Variants in SGCD observed in about 807,000 individuals in gnomAD.
SGCD encodes the protein delta-sarcoglycan.
A neutral mutation model predicts 36.6 loss-of-function variants in SGCD; 18 were observed. The ratio of observed to expected loss-of-function variants is 0.49; its 90% CI spans 0.34 to 0.73. The LOEUF (loss-of-function observed/expected upper bound fraction) is 0.73, where lower values mean the gene tolerates loss of function less well. Ranked by LOEUF, SGCD falls within the 30% of genes least tolerant of loss-of-function variation. The pLI is 0.01. For missense variants in SGCD, 387 were observed against 346.7 expected (o/e 1.12, Z -0.92); for synonymous variants, 133 against 130.6 (o/e 1.02, Z -0.12).
intron 3 of SGCD, among the ~76,000 whole-genome samples, chr5:156,291,615 T>C: frequency 6.6e-6 from 1 of 152,134 alleles, no homozygotes; most frequent in Non-Finnish European, 1.5e-5. Context: ...ACGTAATATT[T>C]ACTATCTTAA....
At chr5:156,365,226 C>T (rs1223899208) in intron 3 of SGCD, among the ~76,000 whole-genome samples, 1 of 152,202 alleles carries the variant, frequency 6.6e-6, no homozygotes, top group Non-Finnish European at 1.5e-5. Context: ...TTCACACTCA[C>T]ATCCTCACAC....
At chr5:155,963,458 G>C (rs141824483) in intron 1 of SGCD, among the ~76,000 whole-genome samples, 21 of 152,128 alleles carry the variant, frequency 1.4e-4, no homozygotes, top group Non-Finnish European at 2.8e-4. Context: ...TTCATATTTT[G>C]TTTGAGAGTT....
chr5:156,162,499 A>G (rs1296844787), intron 3 of SGCD, among the ~76,000 whole-genome samples: 2 of 151,612 alleles, frequency 1.3e-5, no homozygotes, highest in Non-Finnish European at 2.9e-5. Context: ...GGAACCAGGT[A>G]GGGCTGAATA....
chr5:155,838,775 C>CA, the SGCD span, among the ~76,000 whole-genome samples: 5,623 of 118,162 alleles, frequency 0.048, 280 homozygotes, highest in Admixed American at 0.15. Context: ...AAGAGATTTG[C>CA]AAAAAAAAAA....
At chr5:156,253,315 C>T (rs935147240) in intron 3 of SGCD, among the ~76,000 whole-genome samples, 4 of 152,260 alleles carry the variant, frequency 2.6e-5, no homozygotes, top group South Asian at 2.1e-4. Flanking sequence ...CATGTGAGAC[C>T]TCTGCTCAGC....
chr5:156,675,991 C>T (rs892061138), intron 7 of SGCD, among the ~76,000 whole-genome samples: 1 of 152,144 alleles, frequency 6.6e-6, no homozygotes, highest in Non-Finnish European at 1.5e-5. Context: ...CTGTTGCCAG[C>T]TGCTGCCAGG....
At chr5:155,920,469 C>G (rs1756852643) in intron 1 of SGCD, among the ~76,000 whole-genome samples, 1 of 152,026 alleles carries the variant, frequency 6.6e-6, no homozygotes, top group African/African-American at 2.4e-5. Context: ...GATGGAGACA[C>G]ACTGAGCTGG....
chr5:156,752,155 G>A (rs1187566061), intron 7 of SGCD, among the ~76,000 whole-genome samples: 1 of 152,134 alleles, frequency 6.6e-6, no homozygotes, highest in East Asian at 1.9e-4. Context: ...GAAAACAAAA[G>A]TCATTAAAGA....
intron 7 of SGCD, among the ~76,000 whole-genome samples, chr5:156,673,824 T>TGAGGAATAGA (rs1753401826): frequency 1.3e-5 from 2 of 152,212 alleles, no homozygotes; most frequent in Admixed American, 6.5e-5. Context: ...CAGATGACAT[T>TGAGGAATAGA]CTTCAGATAG....
chr5:156,471,449 G>A (rs1263010904), intron 3 of SGCD, among the ~76,000 whole-genome samples: 1 of 151,998 alleles, frequency 6.6e-6, no homozygotes, highest in African/African-American at 2.4e-5. Flanking sequence ...CTAATAAATT[G>A]AATAATAGGA....
At chr5:156,004,215 A>G (rs1036614106) in intron 1 of SGCD, among the ~76,000 whole-genome samples, 1 of 152,194 alleles carries the variant, frequency 6.6e-6, no homozygotes, top group African/African-American at 2.4e-5. Context: ...TTAAAAATAT[A>G]CAAATATGTA....
intron 7 of SGCD, among the ~76,000 whole-genome samples, chr5:156,735,983 C>G (rs377064260): frequency 1.3e-5 from 2 of 152,268 alleles, no homozygotes; most frequent in Admixed American, 1.3e-4. Context: ...TTGCAAAGAT[C>G]CATGGGAGAA....
chr5:156,457,817 T>C (rs1581023034), intron 3 of SGCD, among the ~76,000 whole-genome samples: 1 of 152,196 alleles, frequency 6.6e-6, no homozygotes, highest in African/African-American at 2.4e-5. Context: ...TCTGAGACTA[T>C]TTAACTCCTC....
chr5:155,902,229 T>G (rs187936374), intron 1 of SGCD, among the ~76,000 whole-genome samples: 1 of 152,338 alleles, frequency 6.6e-6, no homozygotes, highest in East Asian at 1.9e-4. Context: ...TGTAACTAAG[T>G]CTTAGAGGTG....
intron 3 of SGCD, among the ~76,000 whole-genome samples, chr5:156,505,810 C>A (rs1191270691): frequency 1.3e-5 from 2 of 151,624 alleles, no homozygotes. Context: ...CACACCCCTA[C>A]CCCTGGGAGG....
chr5:156,078,922 T>TA (rs1275735395), intron 1 of SGCD, among the ~76,000 whole-genome samples: 1 of 150,164 alleles, frequency 6.7e-6, no homozygotes, highest in Non-Finnish European at 1.5e-5. Context: ...GCCAAAATAC[T>TA]AAACAATTCC....
At chr5:156,307,967 TA>T (rs151055091) in intron 3 of SGCD, among the ~76,000 whole-genome samples, 9,796 of 152,144 alleles carry the variant, frequency 0.064, 442 homozygotes, top group Non-Finnish European at 0.086. Flanking sequence ...ACTAATTTTT[TA>T]AAAAAATATA....
chr5:156,425,009 C>T (rs571351643), intron 3 of SGCD, among the ~76,000 whole-genome samples: 7 of 152,032 alleles, frequency 4.6e-5, no homozygotes, highest in African/African-American at 7.2e-5. Flanking sequence ...TCAGCATAAA[C>T]CCTATTGTCG....
At chr5:155,801,674 A>G in the SGCD span, among the ~76,000 whole-genome samples, 1 of 152,276 alleles carries the variant, frequency 6.6e-6, no homozygotes, top group East Asian at 1.9e-4. Context: ...AGGAATAATA[A>G]TAGTCATAGC....
Sources: gnomAD v4.1 joint callset for allele counts (sites outside exome capture counted in the v4.1 genomes callset) on GRCh38, gnomAD v4.1.1 for gene constraint, MANE v1.5 for transcripts, NCBI Gene and HGNC (gene_info 2026-07-23, HGNC 2026-07-21) for gene names.